CAMK2B: variants seen among roughly 807,000 people sequenced by gnomAD.
The protein encoded by CAMK2B is calcium/calmodulin-dependent protein kinase type II subunit beta.
Under a neutral mutation model 93.7 loss-of-function variants are expected in CAMK2B, and 27 were observed. That is an observed-to-expected ratio of 0.29 (90% CI 0.21 to 0.40). The LOEUF (loss-of-function observed/expected upper bound fraction) is 0.40, where lower values mean the gene tolerates loss of function less well. CAMK2B is among the 10% of genes least tolerant of loss of function. The probability of loss-of-function intolerance (pLI) is 1.00; values close to 1 mark genes in which losing one functional copy is unlikely to be tolerated. For synonymous variants in CAMK2B, 374 were observed against 358.8 expected (o/e 1.04, Z -0.48); for missense variants, 568 against 895.8 (o/e 0.63, Z 4.67).
In CAMK2B at chr7:44,325,447, C is replaced by T. The variant is rs199609403; in HGVS notation, c.-26G>A. Reference sequence around the variant, plus strand: ...GGCGGCGGCGGACGGGCTCGGCGTGCGCTCGGCTGCGCTCGGGCGGCGGCG... The same window carrying T: ...GGCGGCGGCGGACGGGCTCGGCGTGTGCTCGGCTGCGCTCGGGCGGCGGCG... On this transcript the variant is annotated 5_prime_UTR_variant, in exon 1 of 24. Transcript: ENST00000395749. The T allele has an allele frequency of 5.6e-5, 60 of 1,063,584 alleles. 1 individual carries two copies. In the East Asian group the frequency reaches 3.9e-3, roughly 70 times the overall value. 65.9% of individuals were successfully genotyped at this position (1,063,584 alleles called of 1,614,324 possible). A position where few individuals can be genotyped will look rare whatever the true frequency, so the allele number is the denominator to read the frequency against.
At chr7:44,256,356 T>C (rs934126538) in intron 4 of CAMK2B, among the ~76,000 whole-genome samples, 3 of 152,096 alleles carry the variant, frequency 2.0e-5, no homozygotes, top group Admixed American at 2.0e-4. Flanking sequence ...CACATGTGCA[T>C]GTGTGTCTGT....
chr7:44,229,577 G>A (rs900618998), intron 17 of CAMK2B, 76 bp from the exon 18 acceptor site: 2 of 628,068 alleles, frequency 3.2e-6, no homozygotes, highest in East Asian at 3.4e-5. Context: ...AAGGACAGGG[G>A]GAGGCCAGGA....
intron 1 of CAMK2B, among the ~76,000 whole-genome samples, chr7:44,294,701 A>G (rs1037646825): frequency 2.0e-5 from 3 of 151,974 alleles, no homozygotes; most frequent in Non-Finnish European, 4.4e-5. Flanking sequence ...AGCACCCTTC[A>G]CCACTTTGGT....
intron 1 of CAMK2B, among the ~76,000 whole-genome samples, chr7:44,284,655 T>G (rs1169287637): frequency 6.6e-6 from 1 of 152,210 alleles, no homozygotes; most frequent in East Asian, 1.9e-4. Flanking sequence ...ACCACGTCCA[T>G]GAGGCCCTGC....
At chr7:44,305,394 G>A (rs1791182964) in intron 1 of CAMK2B, among the ~76,000 whole-genome samples, 2 of 152,296 alleles carry the variant, frequency 1.3e-5, no homozygotes, top group Non-Finnish European at 2.9e-5. Flanking sequence ...CAAGGTGGGA[G>A]GATTGCTTGA....
At chr7:44,302,336 A>G (rs544322078) in intron 1 of CAMK2B, among the ~76,000 whole-genome samples, 47 of 152,374 alleles carry the variant, frequency 3.1e-4, no homozygotes, top group African/African-American at 1.1e-3. Context: ...AGAAGAAATC[A>G]TATCAATTCT....
intron 1 of CAMK2B, among the ~76,000 whole-genome samples, chr7:44,288,646 G>C (rs928116008): frequency 2.0e-5 from 3 of 152,204 alleles, no homozygotes; most frequent in Admixed American, 6.5e-5. Context: ...ATTAAAACAA[G>C]AAAATACTCT....
chr7:44,280,192 T>C (rs1454820979), intron 2 of CAMK2B, among the ~76,000 whole-genome samples: 2 of 152,212 alleles, frequency 1.3e-5, no homozygotes, highest in Non-Finnish European at 2.9e-5. Context: ...ACATGCCCCA[T>C]GGTCCCTGGC....
intron 1 of CAMK2B, among the ~76,000 whole-genome samples, chr7:44,305,269 C>T (rs1195017179): frequency 6.6e-6 from 1 of 152,192 alleles, no homozygotes; most frequent in Non-Finnish European, 1.5e-5. Flanking sequence ...GGGACAGGCA[C>T]TGAATGCTCT....
rs930102011 is a variant in CAMK2B, at chr7:44,308,704, C to T, written c.65+16653G>A. Among the ~76,000 whole-genome samples the T allele has an allele frequency of 4.6e-5, 7 of 152,272 alleles. 1 individual carries two copies. Among genetic ancestry groups the T allele is most frequent in the Admixed American group, 1.3e-4 (2 of 15,308 alleles). On this transcript the variant is annotated intron_variant, in intron 1 of 23. Coordinates refer to ENST00000395749, the MANE Select transcript of CAMK2B (RefSeq NM_001220.5). ...CGGGCCCCCCATATCCCACCTTGTC[C>T]GGAGGGCAAGGCCCCGTCCTACTCA...
At chr7:44,320,349 G>A (rs1454345045) in intron 1 of CAMK2B, among the ~76,000 whole-genome samples, 6 of 152,162 alleles carry the variant, frequency 3.9e-5, no homozygotes, top group African/African-American at 1.4e-4. Flanking sequence ...CCATGAGTCA[G>A]CCAGTGGAGT....
At chr7:44,287,298 T>C (rs1380111704) in intron 1 of CAMK2B, among the ~76,000 whole-genome samples, 1 of 152,160 alleles carries the variant, frequency 6.6e-6, no homozygotes, top group Non-Finnish European at 1.5e-5. Flanking sequence ...TTAAGGAATG[T>C]ATGCTTAAGT....
chr7:44,220,949 C>A, intron 20 of CAMK2B, 48 bp from the exon 21 acceptor site: 1 of 1,504,646 alleles, frequency 6.6e-7, no homozygotes, highest in Admixed American at 2.0e-5. Context: ...GCCCATTCCC[C>A]CCGGACCCCT....
Position 44,219,283 on chromosome 7 carries a change from G to GGT in CAMK2B, c.*241_*242insAC, listed in dbSNP as rs1554345535. ...CTTTTTCCTTCCTTTAGTTTTTTTT[G>GGT]TTTTTTTTTTTTTTCATTTCATCTG... On this transcript the variant is annotated 3_prime_UTR_variant, in exon 24 of 24. Transcript: ENST00000395749. 1.2e-5 allele frequency: 1 copy of GGT among 81,666 alleles called. No homozygotes were observed. Among genetic ancestry groups the GGT allele is most frequent in the Non-Finnish European group, 2.4e-5 (1 of 41,578 alleles). The allele number at this position is 81,666 out of a possible 1,614,324, so 5.1% of individuals were successfully genotyped here. A position where few individuals can be genotyped will look rare whatever the true frequency, so the allele number is the denominator to read the frequency against.
In CAMK2B at chr7:44,239,766, G is replaced by A. The variant is rs1015272977; in HGVS notation, c.947-103C>T. 3.7e-6 allele frequency: 3 copies of A among 819,344 alleles called. No individual in the cohort carries two copies. In the East Asian group the frequency reaches 8.1e-5, roughly 22 times the overall value. The allele number at this position is 819,344 out of a possible 1,614,324, so 50.8% of individuals were successfully genotyped here. A position where few individuals can be genotyped will look rare whatever the true frequency, so the allele number is the denominator to read the frequency against. ...AAAAGAGACAAAGGAAGCAGAAGAAGATTAGAGTTAAAGTTTAGGTGACAG... is the reference window on the plus strand; with the variant it reads ...AAAAGAGACAAAGGAAGCAGAAGAAAATTAGAGTTAAAGTTTAGGTGACAG... On this transcript the variant is annotated intron_variant, in intron 12 of 23. Transcript: ENST00000395749.
intron 2 of CAMK2B, among the ~76,000 whole-genome samples, chr7:44,269,708 G>A (rs1243251303): frequency 6.6e-6 from 1 of 152,116 alleles, no homozygotes; most frequent in African/African-American, 2.4e-5. Context: ...AGGGGCAGGA[G>A]GGGGAGGCAC....
chr7:44,260,061 C>T (rs75069694), intron 3 of CAMK2B, among the ~76,000 whole-genome samples: 12,190 of 152,238 alleles, frequency 0.08, 666 homozygotes, highest in Non-Finnish European at 0.11. Flanking sequence ...TCCCTCCAGT[C>T]CTCAAGTCTT....
Position 44,226,657 on chromosome 7 carries a change from A to C in CAMK2B, c.1469-13T>G, listed in dbSNP as rs758096600. ...GAGATCCTGGGGGCTGGGGCGGAAC[A>C]GACGAGACGTGAACACAAGGCAGGC... is the stretch of plus-strand genomic sequence containing the variant. On this transcript the variant is annotated splice_polypyrimidine_tract_variant and intron_variant, in intron 19 of 23. Transcript: ENST00000395749. 1 of 1,530,518 alleles carries C rather than the reference A, an allele frequency of 6.5e-7. No individual in the cohort carries two copies. The highest frequency in any genetic ancestry group is 1.5e-5 in the African/African-American group (1 of 68,924). 94.8% of individuals were successfully genotyped at this position (1,530,518 alleles called of 1,614,324 possible).
chr7:44,322,512 T>C (rs947967639), intron 1 of CAMK2B, among the ~76,000 whole-genome samples: 1 of 152,226 alleles, frequency 6.6e-6, no homozygotes, highest in African/African-American at 2.4e-5. Flanking sequence ...TTTTAAAGTT[T>C]ATCCAATATA....
Sources: gnomAD v4.1 joint callset for allele counts (sites outside exome capture counted in the v4.1 genomes callset) on GRCh38, gnomAD v4.1.1 for gene constraint, MANE v1.5 for transcripts, NCBI Gene and HGNC (gene_info 2026-07-23, HGNC 2026-07-21) for gene names.